Variants in DPP10 observed in about 807,000 individuals in gnomAD.
DPP10 encodes dipeptidyl peptidase like 10.
Under a neutral mutation model 120.9 loss-of-function variants are expected in DPP10, and 33 were observed. The observed-to-expected ratio is 0.27, with a 90% CI of 0.21 to 0.37. The LOEUF (loss-of-function observed/expected upper bound fraction) is 0.37, where lower values mean the gene tolerates loss of function less well. DPP10 is among the 10% of genes least tolerant of loss of function. DPP10 has a pLI of 1.00. For synonymous variants in DPP10, 337 were observed against 326.1 expected (o/e 1.03, Z -0.36); for missense variants, 816 against 942.8 (o/e 0.87, Z 1.76).
Position 115,765,254 on chromosome 2 carries a change from T to C in DPP10, c.1113+2644T>C, listed in dbSNP as rs188400796. ...GGCAATGTAAATGGAAGAATGCTTA[T>C]ATATCTGTATATGAGAAAAAAGCTA... On this transcript the variant is annotated intron_variant, in intron 12 of 25. Transcript: ENST00000410059. Among the ~76,000 whole-genome samples the C allele has an allele frequency of 3.7e-4, 56 of 152,252 alleles. 2 individuals carry two copies. The East Asian group carries it at 7.5e-3, about 20-fold the overall frequency.
At chr2:114,971,236 A>G (rs1402984371) in intron 1 of DPP10, among the ~76,000 whole-genome samples, 1 of 152,180 alleles carries the variant, frequency 6.6e-6, no homozygotes, top group Non-Finnish European at 1.5e-5. Flanking sequence ...TTTGGATACT[A>G]TGATTTATGG....
chr2:114,875,854 T>C (rs1030606052), intron 1 of DPP10, among the ~76,000 whole-genome samples: 7 of 152,078 alleles, frequency 4.6e-5, no homozygotes, highest in African/African-American at 1.4e-4. Context: ...TATATAAAAA[T>C]AATAACAAAT....
At chr2:115,191,981 G>A (rs886903137) in intron 1 of DPP10, among the ~76,000 whole-genome samples, 26 of 152,176 alleles carry the variant, frequency 1.7e-4, no homozygotes, top group African/African-American at 6.3e-4. Context: ...TCTCATAATA[G>A]GATAGGCCTA....
At chr2:114,868,709 G>A (rs1267687546) in intron 1 of DPP10, among the ~76,000 whole-genome samples, 1 of 152,126 alleles carries the variant, frequency 6.6e-6, no homozygotes, top group Non-Finnish European at 1.5e-5. Flanking sequence ...ACTGGAACCT[G>A]GCAGGAATTT....
rs183624152 is a variant in DPP10 at position 114,490,019 on chromosome 2, G to T, written c.60+47181G>T. On this transcript the variant is annotated intron_variant, in intron 1 of 25. Coordinates refer to ENST00000410059, the MANE Select transcript of DPP10 (RefSeq NM_020868.6). ...TATTTTTATTATATATCTATTTGCT[G>T]GTCCAATAATTTTTATAAGACCAGT... is the stretch of plus-strand genomic sequence containing the variant. Among the ~76,000 whole-genome samples, 287 of 152,250 alleles carry T rather than the reference G, an allele frequency of 1.9e-3. 2 individuals carry two copies. Among genetic ancestry groups the T allele is most frequent in the South Asian group, 2.9e-3 (14 of 4,816 alleles).
At chr2:115,516,877 C>T (rs1477492178) in intron 4 of DPP10, among the ~76,000 whole-genome samples, 1 of 152,008 alleles carries the variant, frequency 6.6e-6, no homozygotes, top group Non-Finnish European at 1.5e-5. Flanking sequence ...TTAAAAGCTG[C>T]TTAACATAAT....
intron 1 of DPP10, among the ~76,000 whole-genome samples, chr2:114,789,262 G>A (rs1683043146): frequency 6.6e-6 from 1 of 152,116 alleles, no homozygotes; most frequent in Non-Finnish European, 1.5e-5. Context: ...GAGTAACAGG[G>A]GAATATATTT....
intron 1 of DPP10, among the ~76,000 whole-genome samples, chr2:115,308,760 A>G (rs2061464589): frequency 6.7e-6 from 1 of 150,274 alleles, no homozygotes; most frequent in Non-Finnish European, 1.5e-5. Context: ...TTTGGTTAAC[A>G]AATGTGCGCT....
At chr2:115,195,547 G>T (rs1396692550) in intron 1 of DPP10, among the ~76,000 whole-genome samples, 1 of 152,158 alleles carries the variant, frequency 6.6e-6, no homozygotes, top group East Asian at 1.9e-4. Context: ...TTATGTGATT[G>T]TTCTAACACG....
chr2:115,379,924 G>T (rs1190909144), intron 3 of DPP10, among the ~76,000 whole-genome samples: 2 of 152,120 alleles, frequency 1.3e-5, no homozygotes, highest in Non-Finnish European at 2.9e-5. Context: ...GAGATAGTTT[G>T]TTATAATTTC....
chr2:115,497,674 C>T (rs2076473935), intron 3 of DPP10, among the ~76,000 whole-genome samples: 1 of 151,226 alleles, frequency 6.6e-6, no homozygotes, highest in African/African-American at 2.4e-5. Context: ...TTAAAAAATT[C>T]ATAGAGGGAA....
chr2:115,789,147 G>A (rs1024999769), intron 17 of DPP10, among the ~76,000 whole-genome samples: 19 of 151,800 alleles, frequency 1.3e-4, no homozygotes, highest in African/African-American at 4.6e-4. Context: ...AAAATAAGGC[G>A]AGTATTGACC....
rs576298460 is a variant in DPP10 at position 115,199,855 on chromosome 2, C to T, written c.61-109384C>T. Among the ~76,000 whole-genome samples the T allele has an allele frequency of 2.0e-4, 30 of 152,088 alleles. 1 individual carries two copies. In the South Asian group the frequency reaches 5.2e-3, roughly 26 times the overall value. ...TGCAGATCTGAGTTGGAGCACATAT[C>T]AAATAATATATAAAACCTTCTGCTT... is the stretch of plus-strand genomic sequence containing the variant. On this transcript the variant is annotated intron_variant, in intron 1 of 25. Transcript: ENST00000410059.
chr2:114,970,414 T>A (rs926271153), intron 1 of DPP10, among the ~76,000 whole-genome samples: 14 of 152,280 alleles, frequency 9.2e-5, no homozygotes, highest in Non-Finnish European at 1.9e-4. Flanking sequence ...AAAACTATTT[T>A]CTGTATTGGT....
intron 1 of DPP10, among the ~76,000 whole-genome samples, chr2:115,055,103 A>G (rs1226334403): frequency 6.6e-6 from 1 of 152,148 alleles, no homozygotes; most frequent in Non-Finnish European, 1.5e-5. Flanking sequence ...GAAATAAACC[A>G]TGCTATTGGT....
intron 4 of DPP10, among the ~76,000 whole-genome samples, chr2:115,509,434 T>C (rs561921435): frequency 6.6e-6 from 1 of 152,204 alleles, no homozygotes; most frequent in Non-Finnish European, 1.5e-5. Flanking sequence ...TGGGGAATTC[T>C]GGGTGAGAAC....
chr2:115,197,044 A>C (rs1484927754), intron 1 of DPP10, among the ~76,000 whole-genome samples: 1 of 152,178 alleles, frequency 6.6e-6, no homozygotes, highest in South Asian at 2.1e-4. Flanking sequence ...TAAACATTAC[A>C]TGGGCAAAAG....
intron 5 of DPP10, among the ~76,000 whole-genome samples, chr2:115,629,254 C>T (rs1407637702): frequency 9.2e-5 from 14 of 152,054 alleles, no homozygotes; most frequent in South Asian, 4.2e-4. Context: ...TTTGCTATTG[C>T]GAATAGTGCT....
At chr2:115,304,246 A>T (rs1159485454) in intron 1 of DPP10, among the ~76,000 whole-genome samples, 2 of 152,002 alleles carry the variant, frequency 1.3e-5, no homozygotes, top group Non-Finnish European at 2.9e-5. Flanking sequence ...TCTTTGAGAA[A>T]ACATTAAGAT....
Sources: allele counts gnomAD v4.1 joint callset (sites outside exome capture counted in the v4.1 genomes callset), GRCh38; gene constraint gnomAD v4.1.1; transcripts MANE v1.5; gene names NCBI Gene and HGNC (gene_info 2026-07-23, HGNC 2026-07-21).